The following SLCO2B1 variants were observed in gnomAD, a reference collection of about 807,000 sequenced individuals.
SLCO2B1 encodes the protein solute carrier organic anion transporter family member 2B1.
In SLCO2B1, 41 loss-of-function variants were observed where a neutral mutation model predicts 67.3. The observed-to-expected ratio is 0.61, with a 90% CI of 0.47 to 0.79. The LOEUF is 0.79. Ranked by LOEUF, SLCO2B1 falls within the 30% of genes least tolerant of loss-of-function variation. The pLI is 0.00. For missense variants in SLCO2B1, 837 were observed against 920.1 expected, an observed-to-expected ratio of 0.91 and a Z score of 1.17; for synonymous variants, 379 against 381.4, an observed-to-expected ratio of 0.99 and a Z score of 0.07.
Position 75,193,111 on chromosome 11 carries a change from C to T in SLCO2B1, c.1076-107C>T, listed in dbSNP as rs930224831. On this transcript the variant is annotated intron_variant, in intron 8 of 13. Coordinates refer to ENST00000289575, the MANE Select transcript of SLCO2B1 (RefSeq NM_007256.5). This position sits in a 1 kb window ranked among gnomAD's most constrained non-coding sequence, Gnocchi z 4.2. ...TGCAATAGAATTAAGTGGAATGGGG[C>T]GGGTTAGAAGAAATGGAACTGCTTG... 3.3e-5 allele frequency: 25 copies of T among 750,368 alleles called. No individual in the cohort carries two copies. The highest frequency in any genetic ancestry group is 5.2e-5 in the African/African-American group (3 of 57,248). 46.5% of individuals were successfully genotyped at this position (750,368 alleles called of 1,614,324 possible).
intron 7 of SLCO2B1, among the ~76,000 whole-genome samples, chr11:75,178,966 T>C (rs1193574352): frequency 6.6e-6 from 1 of 152,226 alleles, no homozygotes; most frequent in Non-Finnish European, 1.5e-5. Flanking sequence ...TAAAGCCAAA[T>C]AGTATTCCAT....
chr11:75,186,072 T>C (rs1049475346), intron 7 of SLCO2B1, among the ~76,000 whole-genome samples: 2 of 152,086 alleles, frequency 1.3e-5, no homozygotes, highest in African/African-American at 2.4e-5. Flanking sequence ...CCAGCCTCAT[T>C]TTCCTACCCC....
Position 75,200,233 on chromosome 11 carries a change from A to C in SLCO2B1, c.1609A>C (p.Thr537Pro). Residue 537 changes from threonine to proline, a missense_variant, in exon 11 of 14, where the codon ACC becomes CCC. Thr to Pro is a conservative substitution (Grantham distance 38). Transcript: ENST00000289575. The stretch of plus-strand genomic sequence containing the variant: ...CCTCTTCCCACTCCAGGTTTTCTAC[A>C]CCAACTGCAGCTGCGTGGTGGAGGG... ...DALDNSQVFY[T>P]NCSCVVEGNP... The C allele has an allele frequency of 6.2e-7, 1 of 1,611,016 alleles. No individual in the cohort carries two copies. The highest frequency in any genetic ancestry group is 8.5e-7 in the Non-Finnish European group (1 of 1,178,006).
chr11:75,157,943 G>T (rs1591807286), intron 1 of SLCO2B1, among the ~76,000 whole-genome samples: 1 of 151,900 alleles, frequency 6.6e-6, no homozygotes, highest in African/African-American at 2.4e-5. Flanking sequence ...GAGCCACTGC[G>T]CCTGGCCCAA....
chr11:75,167,344 C>A (rs937462509), intron 4 of SLCO2B1, among the ~76,000 whole-genome samples: 3 of 152,204 alleles, frequency 2.0e-5, no homozygotes, highest in Non-Finnish European at 4.4e-5. Context: ...AGAATTTTCA[C>A]TTTACATTTT....
intron 7 of SLCO2B1, among the ~76,000 whole-genome samples, chr11:75,183,133 C>T (rs1021996044): frequency 6.6e-5 from 10 of 152,220 alleles, no homozygotes; most frequent in African/African-American, 2.4e-4. Flanking sequence ...TGTCCACATG[C>T]AAAAGTAAAA....
chr11:75,156,175 T>C (rs899886362), intron 1 of SLCO2B1, among the ~76,000 whole-genome samples: 1 of 152,172 alleles, frequency 6.6e-6, no homozygotes, highest in Non-Finnish European at 1.5e-5. Flanking sequence ...AGCTACGATA[T>C]GACAAAACAA....
At chr11:75,165,025 G>A (rs1040448729) in intron 3 of SLCO2B1, among the ~76,000 whole-genome samples, 5 of 152,152 alleles carry the variant, frequency 3.3e-5, no homozygotes, top group African/African-American at 1.2e-4. Flanking sequence ...CAATCAATAA[G>A]CAGCAGAGCC....
chr11:75,152,524 T>C (rs1949704372), intron 1 of SLCO2B1: 1 of 152,266 alleles, frequency 6.6e-6, no homozygotes, highest in Admixed American at 6.6e-5. Context: ...GAGGTCAGAT[T>C]TGGGTGGGAT....
chr11:75,158,674 A>G (rs1471788650), intron 1 of SLCO2B1, among the ~76,000 whole-genome samples: 1 of 152,222 alleles, frequency 6.6e-6, no homozygotes, highest in African/African-American at 2.4e-5. Flanking sequence ...GAATTCCATC[A>G]GTAAATACTG....
At chr11:75,196,774 ACT>A (rs1356920174) in intron 10 of SLCO2B1, 95 bp downstream of exon 10, 1 of 1,099,760 alleles carries the variant, frequency 9.1e-7, no homozygotes, top group Non-Finnish European at 1.3e-6. Flanking sequence ...GCATGCTCTC[ACT>A]CTGTAGCTCT....
chr11:75,157,906 C>T (rs1449361897), intron 1 of SLCO2B1, among the ~76,000 whole-genome samples: 1 of 152,182 alleles, frequency 6.6e-6, no homozygotes, highest in Non-Finnish European at 1.5e-5. Flanking sequence ...CCACCTCGGC[C>T]TCCCAAAGTG....
intron 10 of SLCO2B1, chr11:75,199,898 G>A: frequency 3.1e-6 from 1 of 325,986 alleles, no homozygotes; most frequent in South Asian, 5.2e-5. Context: ...GCCAGCCTGG[G>A]GATGTTTTCT....
chr11:75,169,217 A>T lies in SLCO2B1; in HGVS notation c.493A>T (p.Thr165Ser), dbSNP rs1555138824. The change falls in exon 5 of 14, where the codon ACC becomes TCC. Residue 165 changes from threonine (T) to serine (S), a missense_variant. Coordinates refer to ENST00000289575, the MANE Select transcript of SLCO2B1 (RefSeq NM_007256.5). ...CAAGGCTTCCCTGTGCCTGCCCACA[A>T]CCTCGGCCCCAGCCTCGGCCCCCTC... ...DFKASLCLPT[T>S]SAPASAPSNG... The T allele has an allele frequency of 6.2e-7, 1 of 1,614,014 alleles. No individual in the cohort carries two copies. Among genetic ancestry groups the T allele is most frequent in the Middle Eastern group, 1.6e-4 (1 of 6,062 alleles).
chr11:75,183,354 G>A (rs1292386449), intron 7 of SLCO2B1, among the ~76,000 whole-genome samples: 1 of 152,126 alleles, frequency 6.6e-6, no homozygotes, highest in Admixed American at 6.5e-5. Context: ...GGTGGCTGCT[G>A]TATGAGACAG....
chr11:75,152,788 G>A (rs561881396), intron 1 of SLCO2B1, among the ~76,000 whole-genome samples: 2 of 152,236 alleles, frequency 1.3e-5, no homozygotes, highest in South Asian at 4.2e-4. Flanking sequence ...TGCCTGGTGG[G>A]CCATTGGGTG....
Position 75,188,506 on chromosome 11 carries a change from A to G in SLCO2B1, c.1075+268A>G, listed in dbSNP as rs545026718. Among the ~76,000 whole-genome samples the G allele has an allele frequency of 2.0e-5, 3 of 152,284 alleles. No homozygotes were observed. The South Asian group carries it at 6.2e-4, about 32-fold the overall frequency. On this transcript the variant is annotated intron_variant, in intron 8 of 13. Transcript: ENST00000289575. Reference sequence around the variant, plus strand: ...TTTGGGAGGCCGAGGTGGACGGATCACTTGAGGTCAGAAGTTTGAGACCAG... The same window carrying G: ...TTTGGGAGGCCGAGGTGGACGGATCGCTTGAGGTCAGAAGTTTGAGACCAG...
intron 11 of SLCO2B1, chr11:75,201,023 C>CA (rs1945173069): frequency 1.0e-5 from 1 of 99,872 alleles, no homozygotes; most frequent in African/African-American, 4.2e-5. Flanking sequence ...ATAGTTTTTC[C>CA]TTTTTTTTTT....
At chr11:75,172,787 G>A (rs918343742) in intron 7 of SLCO2B1, among the ~76,000 whole-genome samples, 1 of 152,062 alleles carries the variant, frequency 6.6e-6, no homozygotes, top group Non-Finnish European at 1.5e-5. Flanking sequence ...AAATTAGCCG[G>A]GCATGGTGGT....
Sources: allele counts gnomAD v4.1 joint callset (sites outside exome capture counted in the v4.1 genomes callset), GRCh38; gene constraint gnomAD v4.1.1; non-coding constraint Gnocchi (gnomAD v3.1); transcripts MANE v1.5; gene names NCBI Gene and HGNC (gene_info 2026-07-23, HGNC 2026-07-21).